PCSK2: variants seen among roughly 807,000 people sequenced by gnomAD.
The protein encoded by PCSK2 is proprotein convertase subtilisin/kexin type 2.
In PCSK2, 14 loss-of-function variants were observed where a neutral mutation model predicts 69.7. That is an observed-to-expected ratio of 0.20 (90% CI 0.13 to 0.31). PCSK2 has a LOEUF of 0.31. Among genes scored for constraint, PCSK2 ranks in the 10% least tolerant of loss-of-function variants. The pLI is 1.00. For missense variants in PCSK2, 544 were observed against 842.5 expected, an observed-to-expected ratio of 0.65 and a Z score of 4.39; for synonymous variants, 307 against 320.7, an observed-to-expected ratio of 0.96 and a Z score of 0.46.
intron 1 of PCSK2, 103 bp from the exon 2 acceptor site, chr20:17,260,137 C>A: frequency 1.3e-6 from 1 of 746,372 alleles, no homozygotes; most frequent in South Asian, 1.5e-5. Flanking sequence ...TTGCATACTT[C>A]CCTACCCCAT....
rs1164266992 is a variant in PCSK2, at chr20:17,480,184, C to CTTTTTTTTTTTTTTTTT, written c.1431-1393_1431-1377dup. ...ATTAATTTACCCATTTTCAGCTTTTCTTTTTTTTTTTTTTTTTTTTTTTGA... is the reference window on the plus strand; with the variant it reads ...ATTAATTTACCCATTTTCAGCTTTTCTTTTTTTTTTTTTTTTTTTTTTTTTTTTTTTTTTTTTTTTGA... On this transcript the variant is annotated intron_variant, in intron 11 of 11. Transcript: ENST00000262545. Among the ~76,000 whole-genome samples, 395 of 76,962 alleles carry CTTTTTTTTTTTTTTTTT rather than the reference C, an allele frequency of 5.1e-3. 31 individuals are homozygous for CTTTTTTTTTTTTTTTTT. Among genetic ancestry groups the CTTTTTTTTTTTTTTTTT allele is most frequent in the Middle Eastern group, 0.019 (2 of 104 alleles). 50.5% of individuals were successfully genotyped at this position (76,962 alleles called of 152,430 possible).
intron 6 of PCSK2, among the ~76,000 whole-genome samples, chr20:17,427,311 T>G (rs954284229): frequency 5.9e-5 from 9 of 152,184 alleles, no homozygotes; most frequent in Non-Finnish European, 1.3e-4. Flanking sequence ...AAAAACTAAG[T>G]GAGATGATCA....
rs183088042 is a variant in PCSK2 at position 17,391,081 on chromosome 20, C to T, written c.544-18182C>T. ...TGTGTTTCCTTGATCTTCTTCAAAT[C>T]CTTGTGTGAATATCCCTTTAGAATA... On this transcript the variant is annotated intron_variant, in intron 5 of 11. Transcript: ENST00000262545. Among the ~76,000 whole-genome samples, 444 of 152,320 alleles carry T rather than the reference C, an allele frequency of 2.9e-3. 6 individuals carry two copies. The highest frequency in any genetic ancestry group is 9.9e-3 in the African/African-American group (413 of 41,570).
intron 2 of PCSK2, among the ~76,000 whole-genome samples, chr20:17,274,621 C>T (rs191116753): frequency 1.2e-4 from 18 of 152,026 alleles, no homozygotes. Context: ...ACCAAGATAC[C>T]AGAACTATGA....
At chr20:17,421,703 A>C (rs999905247) in intron 6 of PCSK2, among the ~76,000 whole-genome samples, 1 of 151,334 alleles carries the variant, frequency 6.6e-6, no homozygotes, top group African/African-American at 2.4e-5. Flanking sequence ...TATCTCTGTG[A>C]ATGCAGATCC....
At chr20:17,241,419 G>A (rs1986567807) in intron 1 of PCSK2, among the ~76,000 whole-genome samples, 2 of 152,170 alleles carry the variant, frequency 1.3e-5, no homozygotes, top group African/African-American at 2.4e-5. Flanking sequence ...AGGAGGCATC[G>A]AAGGGTACTT....
intron 11 of PCSK2, among the ~76,000 whole-genome samples, chr20:17,481,105 G>A (rs764172559): frequency 9.2e-5 from 14 of 152,150 alleles, no homozygotes; most frequent in Non-Finnish European, 1.3e-4. Context: ...TCACAGCCGG[G>A]CGTGGTGGCT....
At chr20:17,303,511 TATATA>T (rs550313883) in intron 2 of PCSK2, among the ~76,000 whole-genome samples, 998 of 48,642 alleles carry the variant, frequency 0.021, 21 homozygotes, top group African/African-American at 0.034. Flanking sequence ...ATATATATTA[TATATA>T]ATATAATATA....
chr20:17,261,193 T>G (rs939935276), intron 2 of PCSK2, among the ~76,000 whole-genome samples: 2 of 152,204 alleles, frequency 1.3e-5, no homozygotes, highest in African/African-American at 4.8e-5. Flanking sequence ...AAGGAAAGTA[T>G]GTAATAACTC....
chr20:17,341,411 G>T (rs1044770345), intron 2 of PCSK2, among the ~76,000 whole-genome samples: 12 of 152,166 alleles, frequency 7.9e-5, no homozygotes, highest in East Asian at 1.9e-4. Flanking sequence ...CTCCCGAAGT[G>T]AAGCGGGCCG....
chr20:17,412,145 G>T (rs192410991), intron 6 of PCSK2, among the ~76,000 whole-genome samples: 1 of 152,144 alleles, frequency 6.6e-6, no homozygotes, highest in Non-Finnish European at 1.5e-5. Context: ...GCAGCTCCTC[G>T]ACAGCAACAG....
chr20:17,276,939 G>A (rs1600439569), intron 2 of PCSK2, among the ~76,000 whole-genome samples: 1 of 152,112 alleles, frequency 6.6e-6, no homozygotes, highest in East Asian at 1.9e-4. Flanking sequence ...CAAACAGAGA[G>A]CCAAATCATG....
chr20:17,379,360 A>T (rs554746932), intron 5 of PCSK2, among the ~76,000 whole-genome samples: 2 of 152,360 alleles, frequency 1.3e-5, no homozygotes, highest in East Asian at 3.9e-4. Context: ...ATGGAGACCA[A>T]ACGTCTGATC....
At chr20:17,246,051 A>G (rs1018803751) in intron 1 of PCSK2, among the ~76,000 whole-genome samples, 7 of 152,144 alleles carry the variant, frequency 4.6e-5, no homozygotes, top group African/African-American at 1.7e-4. Flanking sequence ...GATCTTTTTA[A>G]TTTACTCAGC....
intron 2 of PCSK2, among the ~76,000 whole-genome samples, chr20:17,294,198 G>A (rs1437819128): frequency 1.5e-5 from 2 of 137,242 alleles, no homozygotes; most frequent in Non-Finnish European, 1.5e-5. Flanking sequence ...TCCGCCTCCC[G>A]GGTTCACGCC....
At chr20:17,302,653 G>A (rs1003069826) in intron 2 of PCSK2, among the ~76,000 whole-genome samples, 4 of 152,090 alleles carry the variant, frequency 2.6e-5, no homozygotes, top group Middle Eastern at 3.2e-3. Context: ...ATCTTCATGG[G>A]TAGACAGCCC....
intron 6 of PCSK2, among the ~76,000 whole-genome samples, chr20:17,418,190 G>T (rs185513866): frequency 6.6e-6 from 1 of 152,314 alleles, no homozygotes; most frequent in East Asian, 1.9e-4. Flanking sequence ...ACTAATTCTC[G>T]TAGTAACCCT....
At chr20:17,245,633 A>ATT (rs879731129) in intron 1 of PCSK2, among the ~76,000 whole-genome samples, 9 of 148,130 alleles carry the variant, frequency 6.1e-5, no homozygotes, top group African/African-American at 2.2e-4. Context: ...AATTGATAGG[A>ATT]TTTTTTTTTT....
At chr20:17,410,731 C>CAAAT (rs1171762887) in intron 6 of PCSK2, among the ~76,000 whole-genome samples, 1 of 152,154 alleles carries the variant, frequency 6.6e-6, no homozygotes, top group Non-Finnish European at 1.5e-5. Flanking sequence ...ATATATTTAG[C>CAAAT]AAATAAACCA....
Sources: gnomAD v4.1 joint callset for allele counts (sites outside exome capture counted in the v4.1 genomes callset) on GRCh38, gnomAD v4.1.1 for gene constraint, MANE v1.5 for transcripts, NCBI Gene and HGNC (gene_info 2026-07-23, HGNC 2026-07-21) for gene names.